The following FHIT variants were observed in gnomAD, a reference collection of about 807,000 sequenced individuals.
The protein encoded by FHIT is fragile histidine triad diadenosine triphosphatase.
Under a neutral mutation model 17.9 loss-of-function variants are expected in FHIT, and 19 were observed. That is an observed-to-expected ratio of 1.06 (90% CI 0.74 to 1.56). FHIT has a LOEUF of 1.56. FHIT is among the 40% of genes most tolerant of loss of function. The pLI is 0.00. For missense variants in FHIT, 248 were observed against 189.2 expected, an observed-to-expected ratio of 1.31 and a Z score of -1.82; for synonymous variants, 81 against 69.7, an observed-to-expected ratio of 1.16 and a Z score of -0.81.
intron 5 of FHIT, among the ~76,000 whole-genome samples, chr3:60,351,192 G>A (rs57064547): frequency 0.14 from 22,004 of 152,214 alleles, 1,677 homozygotes; most frequent in Non-Finnish European, 0.16. Flanking sequence ...GTTATATAGC[G>A]ACAGCAAACT....
At chr3:59,915,585 C>T (rs1705095604) in intron 8 of FHIT, among the ~76,000 whole-genome samples, 1 of 152,198 alleles carries the variant, frequency 6.6e-6, no homozygotes, top group South Asian at 2.1e-4. Flanking sequence ...TCCTTGGAGG[C>T]TCCAGCTCAC....
chr3:60,859,293 T>G (rs1703516127), intron 3 of FHIT, among the ~76,000 whole-genome samples: 1 of 152,150 alleles, frequency 6.6e-6, no homozygotes, highest in East Asian at 1.9e-4. Context: ...CTCAGCTATA[T>G]CAGGTAAATT....
intron 5 of FHIT, among the ~76,000 whole-genome samples, chr3:60,492,633 A>G (rs2034115318): frequency 6.6e-6 from 1 of 151,788 alleles, no homozygotes; most frequent in Non-Finnish European, 1.5e-5. Flanking sequence ...CAGTCTCCCA[A>G]GTAATTGAGA....
chr3:60,515,264 G>A (rs990643007), intron 5 of FHIT, among the ~76,000 whole-genome samples: 3 of 152,176 alleles, frequency 2.0e-5, no homozygotes, highest in South Asian at 4.1e-4. Flanking sequence ...TGCAGAGCTC[G>A]GTTCAAGGCA....
chr3:60,268,407 T>C lies in FHIT; in HGVS notation c.104-254255A>G, dbSNP rs115517119. ...TCTATTCAAAACCTGATGTCTTGTT[T>C]ATGGCTGTATATCCTAATGTGTTGC... On this transcript the variant is annotated intron_variant, in intron 5 of 9. Transcript: ENST00000492590. 4.8e-3 allele frequency among the ~76,000 whole-genome samples: 725 copies of C among 152,324 alleles called. 2 individuals carry two copies. Among genetic ancestry groups the C allele is most frequent in the Middle Eastern group, 0.027 (8 of 294 alleles).
At chr3:60,540,560 T>A (rs9846162) in intron 4 of FHIT, among the ~76,000 whole-genome samples, 2,483 of 152,310 alleles carry the variant, frequency 0.016, 73 homozygotes, top group African/African-American at 0.056. Context: ...CGCTGCTTTG[T>A]GTGTTGGGGG....
At chr3:60,056,192 C>G (rs921743735) in intron 5 of FHIT, among the ~76,000 whole-genome samples, 3 of 152,142 alleles carry the variant, frequency 2.0e-5, no homozygotes, top group African/African-American at 7.2e-5. Flanking sequence ...TGCCTTATTT[C>G]TTTAAGTTTC....
intron 4 of FHIT, among the ~76,000 whole-genome samples, chr3:60,738,038 T>C (rs1464898963): frequency 1.3e-5 from 2 of 151,996 alleles, no homozygotes; most frequent in African/African-American, 2.4e-5. Flanking sequence ...AATTGTAGAG[T>C]ACCTGTTAAG....
chr3:60,419,798 A>T (rs1702401646), intron 5 of FHIT, among the ~76,000 whole-genome samples: 1 of 152,166 alleles, frequency 6.6e-6, no homozygotes, highest in African/African-American at 2.4e-5. Context: ...TTAAAAAGGT[A>T]TCAATTAGGT....
At chr3:60,237,591 C>T (rs367603385) in intron 5 of FHIT, among the ~76,000 whole-genome samples, 1 of 152,106 alleles carries the variant, frequency 6.6e-6, no homozygotes, top group Non-Finnish European at 1.5e-5. Flanking sequence ...TGTTTGACCA[C>T]AGTGAGGCAG....
At chr3:61,160,244 CT>C (rs2107089112) in intron 2 of FHIT, among the ~76,000 whole-genome samples, 1 of 150,652 alleles carries the variant, frequency 6.6e-6, no homozygotes, top group South Asian at 2.1e-4. Context: ...GATATCTGCA[CT>C]TTTTACAAGT....
chr3:59,846,835 G>A (rs1324314542), intron 8 of FHIT, among the ~76,000 whole-genome samples: 1 of 152,034 alleles, frequency 6.6e-6, no homozygotes, highest in Non-Finnish European at 1.5e-5. Context: ...TTCTTTTGCA[G>A]TACAGTTTTG....
chr3:59,796,311 A>C (rs1336504396), intron 8 of FHIT, among the ~76,000 whole-genome samples: 3 of 152,022 alleles, frequency 2.0e-5, no homozygotes, highest in East Asian at 3.9e-4. Flanking sequence ...GGTCTCTAGC[A>C]ACACCCCCAG....
intron 8 of FHIT, among the ~76,000 whole-genome samples, chr3:59,879,156 A>T (rs1211254756): frequency 1.3e-5 from 2 of 152,184 alleles, no homozygotes; most frequent in Non-Finnish European, 2.9e-5. Flanking sequence ...ATTACATCAC[A>T]CAGAAAAACT....
At chr3:59,898,230 C>T (rs1044632844) in intron 8 of FHIT, among the ~76,000 whole-genome samples, 1 of 152,040 alleles carries the variant, frequency 6.6e-6, no homozygotes, top group Admixed American at 6.6e-5. Context: ...GTACGAGGTC[C>T]ATATAAGACA....
intron 5 of FHIT, among the ~76,000 whole-genome samples, chr3:60,422,410 A>G (rs971164933): frequency 2.6e-5 from 4 of 152,166 alleles, no homozygotes; most frequent in African/African-American, 9.7e-5. Context: ...ATAGACTTCA[A>G]TGCTTTTTCC....
chr3:60,555,361 C>T (rs1436882537), intron 4 of FHIT, among the ~76,000 whole-genome samples: 2 of 152,172 alleles, frequency 1.3e-5, no homozygotes, highest in Non-Finnish European at 2.9e-5. Context: ...TAGAGCTTCC[C>T]AACTTCAGCA....
rs572954456 is a variant in FHIT at position 59,934,598 on chromosome 3, T to C, written c.280-12184A>G. ...TGTTCTCACACTGCTAATAAAGACATACCTGAGACTGGGTGATTTATAAAG... is the reference window on the plus strand; with the variant it reads ...TGTTCTCACACTGCTAATAAAGACACACCTGAGACTGGGTGATTTATAAAG... On this transcript the variant is annotated intron_variant, in intron 7 of 9. Transcript: ENST00000492590. Among the ~76,000 whole-genome samples the C allele has an allele frequency of 2.6e-5, 4 of 152,268 alleles. No individual in the cohort carries two copies. In the South Asian group the frequency reaches 8.3e-4, roughly 32 times the overall value.
At chr3:60,544,517 A>AT (rs2036296757) in intron 4 of FHIT, among the ~76,000 whole-genome samples, 1 of 150,858 alleles carries the variant, frequency 6.6e-6, no homozygotes, top group Admixed American at 6.6e-5. Flanking sequence ...ACAAGGTATT[A>AT]TTTTTTAATA....
Sources: allele counts gnomAD v4.1 joint callset (sites outside exome capture counted in the v4.1 genomes callset), GRCh38; gene constraint gnomAD v4.1.1; transcripts MANE v1.5; gene names NCBI Gene and HGNC (gene_info 2026-07-23, HGNC 2026-07-21).